The following DLGAP1 variants were observed in gnomAD, a reference collection of about 807,000 sequenced individuals.
DLGAP1 encodes disks large-associated protein 1.
A neutral mutation model predicts 90.8 loss-of-function variants in DLGAP1; 11 were observed. The observed-to-expected ratio is 0.12, with a 90% CI of 0.08 to 0.20. DLGAP1 has a LOEUF of 0.20. Among genes scored for constraint, DLGAP1 ranks in the 10% least tolerant of loss-of-function variants. The pLI, the probability that DLGAP1 is intolerant of heterozygous loss-of-function variation, is 1.00. For missense variants in DLGAP1, 1,050 were observed against 1,333.8 expected (o/e 0.79, Z 3.31); for synonymous variants, 558 against 540.7 (o/e 1.03, Z -0.44).
At chr18:4,239,734 T>C (rs907946890) in intron 1 of DLGAP1, among the ~76,000 whole-genome samples, 1 of 152,194 alleles carries the variant, frequency 6.6e-6, no homozygotes, top group African/African-American at 2.4e-5. Context: ...ACAGGCCTCC[T>C]TAGTTGCCTG....
intron 7 of DLGAP1, among the ~76,000 whole-genome samples, chr18:3,686,402 T>G (rs2060704548): frequency 6.6e-6 from 1 of 152,162 alleles, no homozygotes. Context: ...CAAAGCACAC[T>G]GTTAACAGAA....
intron 1 of DLGAP1, among the ~76,000 whole-genome samples, chr18:4,376,516 A>G (rs694144): frequency 1 from 152,284 of 152,314 alleles, 76,127 homozygotes; most frequent in Non-Finnish European, 1. Context: ...GCATCCTAGT[A>G]CTCCTATTTC....
intron 4 of DLGAP1, among the ~76,000 whole-genome samples, chr18:3,834,585 A>G (rs2068263364): frequency 6.6e-6 from 1 of 152,178 alleles, no homozygotes; most frequent in Admixed American, 6.5e-5. Flanking sequence ...CATATAATCA[A>G]ATATATGTAC....
chr18:4,012,993 C>A (rs1361722451), intron 2 of DLGAP1, among the ~76,000 whole-genome samples: 1 of 152,166 alleles, frequency 6.6e-6, no homozygotes, highest in Non-Finnish European at 1.5e-5. Flanking sequence ...GTGTGAGCCA[C>A]CGGTCCCGGC....
At chr18:3,747,114 T>A (rs555303413) in intron 5 of DLGAP1, among the ~76,000 whole-genome samples, 8 of 152,146 alleles carry the variant, frequency 5.3e-5, no homozygotes, top group African/African-American at 1.9e-4. Context: ...TCCTAGCACT[T>A]TGGGAGGTCT....
intron 2 of DLGAP1, among the ~76,000 whole-genome samples, chr18:4,069,687 C>T (rs1451881097): frequency 6.6e-6 from 1 of 152,176 alleles, no homozygotes; most frequent in Non-Finnish European, 1.5e-5. Context: ...AGAAGCTGAG[C>T]AGATGCCAGC....
At chr18:4,281,737 C>T (rs2079557434) in intron 1 of DLGAP1, among the ~76,000 whole-genome samples, 1 of 152,130 alleles carries the variant, frequency 6.6e-6, no homozygotes, top group Admixed American at 6.5e-5. Context: ...CAAAGTTAAG[C>T]TCATTTCTTA....
At chr18:3,637,948 T>C (rs941178756) in intron 7 of DLGAP1, among the ~76,000 whole-genome samples, 6 of 143,322 alleles carry the variant, frequency 4.2e-5, no homozygotes, top group Non-Finnish European at 7.6e-5. Context: ...AGGTAGCTTT[T>C]TTTTTTTTTT....
intron 3 of DLGAP1, among the ~76,000 whole-genome samples, chr18:3,940,239 CCAAATG>C (rs1222738837): frequency 6.6e-6 from 1 of 152,196 alleles, no homozygotes; most frequent in Non-Finnish European, 1.5e-5. Flanking sequence ...CATCTTGGAA[CCAAATG>C]CTCTAGCCCC....
At chr18:3,598,994 G>A (rs571821644) in intron 7 of DLGAP1, among the ~76,000 whole-genome samples, 30 of 151,530 alleles carry the variant, frequency 2.0e-4, no homozygotes, top group African/African-American at 6.5e-4. Flanking sequence ...GGCTGGTCTC[G>A]AACTCCTGAT....
chr18:3,862,605 C>T (rs562424055), intron 4 of DLGAP1, among the ~76,000 whole-genome samples: 45 of 152,318 alleles, frequency 3.0e-4, no homozygotes, highest in South Asian at 1.2e-3. Flanking sequence ...ATGCACATGA[C>T]GTGCCCAGCA....
chr18:3,814,032 C>T (rs780779471), intron 5 of DLGAP1, 27 bp downstream of exon 5: 35 of 1,606,956 alleles, frequency 2.2e-5, no homozygotes, highest in Non-Finnish European at 2.7e-5. Context: ...CCTGGACTAT[C>T]GCAAGTGCAG....
intron 2 of DLGAP1, among the ~76,000 whole-genome samples, chr18:4,012,220 G>A (rs1192796442): frequency 6.6e-6 from 1 of 152,140 alleles, no homozygotes; most frequent in Non-Finnish European, 1.5e-5. Context: ...GAATATTCTA[G>A]TTAGTGAATG....
rs1301994467 is a variant in DLGAP1 at position 4,333,537 on chromosome 18, T to TA, written c.-267+121468dup. On this transcript the variant is annotated intron_variant, in intron 1 of 12. Transcript: ENST00000315677. ...GTTATAATGGACCATATCTTTAGAT[T>TA]AAAAAAAAAAGAAGCATTTTCTTTG... 3.2e-4 allele frequency among the ~76,000 whole-genome samples: 47 copies of TA among 147,318 alleles called. 1 individual carries two copies. Among genetic ancestry groups the TA allele is most frequent in the African/African-American group, 8.5e-4 (34 of 39,970 alleles).
At chr18:4,011,164 A>C (rs1438496494) in intron 2 of DLGAP1, among the ~76,000 whole-genome samples, 1 of 137,952 alleles carries the variant, frequency 7.2e-6, no homozygotes, top group Admixed American at 7.6e-5. Context: ...AGACAGAGCA[A>C]GATTCCGCCT....
At chr18:4,070,386 T>G (rs1274551653) in intron 2 of DLGAP1, among the ~76,000 whole-genome samples, 2 of 152,174 alleles carry the variant, frequency 1.3e-5, no homozygotes, top group Non-Finnish European at 2.9e-5. Flanking sequence ...ACCTCTGGAT[T>G]CAGAGTCCAG....
chr18:3,833,156 T>C (rs2068135826), intron 4 of DLGAP1, among the ~76,000 whole-genome samples: 2 of 1,372 alleles, frequency 1.5e-3, no homozygotes, highest in South Asian at 0.029. Context: ...CTTCCTTCCT[T>C]CCTTCCTTCC....
intron 3 of DLGAP1, among the ~76,000 whole-genome samples, chr18:3,889,991 C>A (rs955009977): frequency 1.9e-4 from 29 of 152,194 alleles, no homozygotes; most frequent in African/African-American, 7.0e-4. Flanking sequence ...CTAGTCAGGC[C>A]TGGCTCCCTG....
intron 7 of DLGAP1, among the ~76,000 whole-genome samples, chr18:3,717,038 C>CCTT (rs1269705011): frequency 8.4e-6 from 1 of 119,566 alleles, no homozygotes; most frequent in Non-Finnish European, 1.6e-5. Flanking sequence ...GGTGAGTTTG[C>CCTT]CTTTTTTTTT....
Sources: allele counts gnomAD v4.1 joint callset (sites outside exome capture counted in the v4.1 genomes callset), GRCh38; gene constraint gnomAD v4.1.1; transcripts MANE v1.5; gene names NCBI Gene and HGNC (gene_info 2026-07-23, HGNC 2026-07-21).